ZNF829: variants seen among roughly 807,000 people sequenced by gnomAD.
The protein encoded by ZNF829 is zinc finger protein 829.
ZNF829 carries 25 observed loss-of-function variants against 35.2 expected under a neutral mutation model. That is an observed-to-expected ratio of 0.71 (90% CI 0.52 to 0.99). ZNF829 has a LOEUF of 0.99. Ranked by LOEUF, ZNF829 falls within the 50% of genes least tolerant of loss-of-function variation. ZNF829 has a pLI of 0.00. For missense variants in ZNF829, 417 were observed against 515.3 expected (o/e 0.81, Z 1.85); for synonymous variants, 136 against 163.2 (o/e 0.83, Z 1.27).
At chr19:36,913,695 A>G (rs576303398) in intron 3 of ZNF829, among the ~76,000 whole-genome samples, 194 of 152,326 alleles carry the variant, frequency 1.3e-3, no homozygotes, top group Non-Finnish European at 2.2e-3. Context: ...GGCTTTTTGA[A>G]GGTATAATGA....
At position 36,889,166 on chromosome 19, in the gene ZNF829, A is replaced by G. The variant is rs1014491809; in HGVS notation, c.*2326T>C. 1.4e-4 allele frequency: 21 copies of G among 152,234 alleles called. No individual in the cohort carries two copies. The highest frequency in any genetic ancestry group is 4.1e-4 in the African/African-American group (17 of 41,548). 9.4% of individuals were successfully genotyped at this position (152,234 alleles called of 1,614,324 possible). On this transcript the variant is annotated 3_prime_UTR_variant, in exon 6 of 6. Coordinates refer to ENST00000391711, the MANE Select transcript of ZNF829 (RefSeq NM_001037232.4). ...AAATCCACTTGACTGTGCTGTTACT[A>G]TCTTTTTTATGTACTGTTTGATTTG...
intron 3 of ZNF829, among the ~76,000 whole-genome samples, chr19:36,914,574 A>G (rs1401040391): frequency 6.6e-6 from 1 of 152,222 alleles, no homozygotes; most frequent in Non-Finnish European, 1.5e-5. Context: ...TGTATATCAT[A>G]GTTTTTGCAA....
chr19:36,902,815 T>C lies in ZNF829; in HGVS notation c.319+5114A>G, dbSNP rs550827649. On this transcript the variant is annotated intron_variant, in intron 5 of 5. Coordinates refer to ENST00000391711, the MANE Select transcript of ZNF829 (RefSeq NM_001037232.4). ...CTTTGGGAGGCCAAGGCGGGTGGAT[T>C]ACTTGAGGTGAGGAGTTAGAGACCA... Among the ~76,000 whole-genome samples the C allele has an allele frequency of 3.6e-3, 548 of 152,158 alleles. 4 individuals are homozygous for C. Among genetic ancestry groups the C allele is most frequent in the Admixed American group, 9.1e-3 (139 of 15,278 alleles).
chr19:36,891,379 T>TA lies in ZNF829; in HGVS notation c.*112dup. 1 of 1,151,878 alleles carries TA rather than the reference T, an allele frequency of 8.7e-7. No individual in the cohort carries two copies. The highest frequency in any genetic ancestry group is 3.1e-5 in the Admixed American group (1 of 31,802). The allele number at this position is 1,151,878 out of a possible 1,614,324, so 71.4% of individuals were successfully genotyped here. On this transcript the variant is annotated 3_prime_UTR_variant, in exon 6 of 6. Transcript: ENST00000391711. ...CTTGGTACTTTGTTATCGTATCGTT[T>TA]AAAAACGAATACATAGGAGAACCTT...
chr19:36,892,784 T>A, intron 5 of ZNF829: 1 of 415,362 alleles, frequency 2.4e-6, no homozygotes, highest in Non-Finnish European at 3.8e-6. Context: ...AGATTCTAAT[T>A]AAAAAAAAAA....
At chr19:36,900,325 T>G (rs549800764) in intron 5 of ZNF829, among the ~76,000 whole-genome samples, 1 of 150,910 alleles carries the variant, frequency 6.6e-6, no homozygotes, top group South Asian at 2.1e-4. Flanking sequence ...AGCACTGCAC[T>G]TCAGCCTGGG....
chr19:36,893,782 C>T (rs1489055586), intron 5 of ZNF829, among the ~76,000 whole-genome samples: 2 of 152,144 alleles, frequency 1.3e-5, no homozygotes, highest in African/African-American at 4.8e-5. Flanking sequence ...CATTTAATTA[C>T]TGAATCCCCT....
At chr19:36,912,128 C>T (rs972045683) in intron 3 of ZNF829, among the ~76,000 whole-genome samples, 3 of 151,542 alleles carry the variant, frequency 2.0e-5, no homozygotes, top group Non-Finnish European at 2.9e-5. Flanking sequence ...AAGCTCAGGG[C>T]GAGGAAATCA....
At chr19:36,896,725 T>C (rs1001388283) in intron 5 of ZNF829, among the ~76,000 whole-genome samples, 16 of 152,190 alleles carry the variant, frequency 1.1e-4, no homozygotes, top group Non-Finnish European at 2.1e-4. Context: ...CGTTAGGCCA[T>C]AAGACAAGTT....
intron 5 of ZNF829, chr19:36,892,831 G>A (rs906357295): frequency 1.4e-4 from 132 of 942,766 alleles, no homozygotes; most frequent in African/African-American, 1.3e-3. Flanking sequence ...CCCCACAGGC[G>A]CTGCCTGAGA....
rs764913013 is a variant in ZNF829, at chr19:36,891,648, T to A, written c.1143A>T (p.Glu381Asp). 3 of 1,613,472 alleles carry A rather than the reference T, an allele frequency of 1.9e-6. No homozygotes were observed. The highest frequency in any genetic ancestry group is 1.3e-5 in the African/African-American group (1 of 74,834). The change falls in exon 6 of 6, where the codon GAA (glutamate) becomes GAT (aspartate). Residue 381 changes from glutamate to aspartate, a missense_variant. Glu to Asp is a conservative substitution (Grantham distance 45). Coordinates refer to ENST00000391711, the MANE Select transcript of ZNF829 (RefSeq NM_001037232.4). ...TAAAGGCCTTCCCACATTCATTACA[T>A]TCATATGGTTTTTCATCTGTATGGA... The part of the protein sequence containing the change: ...QRIHTDEKPY[E>D]CNECGKAFNK...
chr19:36,911,523 T>C (rs1365842772), intron 3 of ZNF829, among the ~76,000 whole-genome samples: 3 of 152,000 alleles, frequency 2.0e-5, no homozygotes, highest in Non-Finnish European at 4.4e-5. Context: ...TCTTAAGCAA[T>C]GGGGTCTATG....
At chr19:36,893,156 C>G (rs1222012657) in intron 5 of ZNF829, 1 of 394,482 alleles carries the variant, frequency 2.5e-6, no homozygotes, top group Non-Finnish European at 4.5e-6. Flanking sequence ...AGTTCAGTGA[C>G]TGTGCAATGG....
rs2073328514 is a variant in ZNF829 at position 36,916,231 on chromosome 19, A to T, written c.-305T>A. ...GTCGCCGTAGCGCTGCGCAATGGAGATGAGCCTCCCGGGGAACCCGGCCCA... is the reference window on the plus strand; with the variant it reads ...GTCGCCGTAGCGCTGCGCAATGGAGTTGAGCCTCCCGGGGAACCCGGCCCA... On this transcript the variant is annotated 5_prime_UTR_variant, in exon 1 of 6. Coordinates refer to ENST00000391711, the MANE Select transcript of ZNF829 (RefSeq NM_001037232.4). This position sits in a 1 kb window ranked among gnomAD's most constrained non-coding sequence, Gnocchi z 5.3. 1.1e-5 allele frequency: 4 copies of T among 372,942 alleles called. No individual in the cohort carries two copies. The East Asian group carries it at 2.0e-4, about 19-fold the overall frequency. The allele number at this position is 372,942 out of a possible 1,614,324, so 23.1% of individuals were successfully genotyped here.
intron 5 of ZNF829, among the ~76,000 whole-genome samples, chr19:36,896,473 A>G (rs548957908): frequency 2.4e-4 from 36 of 152,154 alleles, no homozygotes; most frequent in South Asian, 4.1e-4. Context: ...ACGGAACTAG[A>G]CTCTGTCTCA....
intron 5 of ZNF829, among the ~76,000 whole-genome samples, chr19:36,904,216 GA>G (rs1451647975): frequency 4.6e-5 from 7 of 152,032 alleles, no homozygotes; most frequent in Non-Finnish European, 7.4e-5. Flanking sequence ...TCAACTATCA[GA>G]AAAAGACATC....
chr19:36,893,221 G>A, intron 5 of ZNF829, among the ~76,000 whole-genome samples: 1 of 152,136 alleles, frequency 6.6e-6, no homozygotes, highest in Non-Finnish European at 1.5e-5. Context: ...CACAACTGGT[G>A]GGAAGAGTAG....
rs942727146 is a variant in ZNF829 at position 36,915,163 on chromosome 19, G to T, written c.5C>A (p.Pro2His). 6.2e-7 allele frequency: 1 copy of T among 1,613,962 alleles called. No homozygotes were observed. The highest frequency in any genetic ancestry group is 1.3e-5 in the African/African-American group (1 of 74,884). Residue 2 changes from proline to histidine, a missense_variant, in exon 2 of 6, where the codon CCC becomes CAC. By Grantham distance (77) the Pro-to-His change is moderately conservative (BLOSUM62 -2). Coordinates refer to ENST00000391711, the MANE Select transcript of ZNF829 (RefSeq NM_001037232.4). M[P>H]HSPLISIPHV... ...AGGAATGGAGATCAGAGGAGAATGG[G>T]GCATTCTGTCCAATTCCAGTGGCTC...
chr19:36,915,586 C>T (rs1159512264), intron 1 of ZNF829, among the ~76,000 whole-genome samples: 2 of 151,708 alleles, frequency 1.3e-5, no homozygotes, highest in Non-Finnish European at 2.9e-5. Context: ...TCACAACCTC[C>T]CCTCTTTTTT....
Sources: gnomAD v4.1 joint callset for allele counts (sites outside exome capture counted in the v4.1 genomes callset) on GRCh38, gnomAD v4.1.1 for gene constraint, Gnocchi (gnomAD v3.1) non-coding constraint, MANE v1.5 for transcripts, NCBI Gene and HGNC (gene_info 2026-07-23, HGNC 2026-07-21) for gene names.